Variants in CSNK1G1 observed in about 807,000 individuals in gnomAD.
CSNK1G1 encodes casein kinase I isoform gamma-1.
CSNK1G1 carries 22 observed loss-of-function variants against 59.6 expected under a neutral mutation model. The observed-to-expected ratio is 0.37, with a 90% confidence interval of 0.26 to 0.53. CSNK1G1 has a LOEUF of 0.53. CSNK1G1 is among the 20% of genes least tolerant of loss of function. CSNK1G1 has a pLI of 0.89. For synonymous variants in CSNK1G1, 179 were observed against 177.1 expected, an observed-to-expected ratio of 1.01 and a Z score of -0.08; for missense variants, 384 against 519.5, an observed-to-expected ratio of 0.74 and a Z score of 2.54.
At chr15:64,237,368 A>G (rs1442470473) in intron 4 of CSNK1G1, among the ~76,000 whole-genome samples, 1 of 152,212 alleles carries the variant, frequency 6.6e-6, no homozygotes, top group African/African-American at 2.4e-5. Context: ...ATACATGGCA[A>G]GAAAAGATCC....
intron 1 of CSNK1G1, among the ~76,000 whole-genome samples, chr15:64,339,617 T>C (rs1566953594): frequency 6.6e-6 from 1 of 152,194 alleles, no homozygotes; most frequent in Non-Finnish European, 1.5e-5. Flanking sequence ...CAATCTGTGT[T>C]TTAACAAACC....
intron 4 of CSNK1G1, 88 bp downstream of exon 4, chr15:64,251,424 A>T: frequency 1.1e-6 from 1 of 885,180 alleles, no homozygotes; most frequent in Non-Finnish European, 1.8e-6. Context: ...TTTGGTAAAA[A>T]GGGCAAACCA....
At chr15:64,271,046 G>C (rs1417509690) in intron 2 of CSNK1G1, among the ~76,000 whole-genome samples, 1 of 152,004 alleles carries the variant, frequency 6.6e-6, no homozygotes, top group African/African-American at 2.4e-5. Context: ...GTAGCAGCAC[G>C]ATCTCAGCTC....
At chr15:64,347,647 T>C (rs1225052980) in intron 1 of CSNK1G1, among the ~76,000 whole-genome samples, 1 of 143,450 alleles carries the variant, frequency 7.0e-6, no homozygotes, top group Non-Finnish European at 1.5e-5. Context: ...AAGGAAAATG[T>C]ACAGAAAAGA....
chr15:64,195,996 G>A (rs2082033398), intron 10 of CSNK1G1, among the ~76,000 whole-genome samples: 2 of 152,212 alleles, frequency 1.3e-5, no homozygotes, highest in Admixed American at 6.5e-5. Context: ...TTGGGAGGCT[G>A]AGGCAGAAGG....
At chr15:64,270,014 C>T (rs887757067) in intron 2 of CSNK1G1, among the ~76,000 whole-genome samples, 1 of 152,146 alleles carries the variant, frequency 6.6e-6, no homozygotes, top group Non-Finnish European at 1.5e-5. Flanking sequence ...GCCATACTGG[C>T]CAGGCTGGTC....
intron 1 of CSNK1G1, among the ~76,000 whole-genome samples, chr15:64,350,525 AG>A (rs1373115414): frequency 6.6e-6 from 1 of 152,152 alleles, no homozygotes; most frequent in African/African-American, 2.4e-5. Flanking sequence ...TGGTTTATCA[AG>A]TGAACAGTGA....
chr15:64,295,302 C>T (rs1183282299), intron 2 of CSNK1G1, among the ~76,000 whole-genome samples: 2 of 152,102 alleles, frequency 1.3e-5, no homozygotes, highest in African/African-American at 4.8e-5. Context: ...GAGGTCATCA[C>T]CAAGGTCTGA....
chr15:64,276,303 G>T (rs1893613580), intron 2 of CSNK1G1, among the ~76,000 whole-genome samples: 1 of 152,172 alleles, frequency 6.6e-6, no homozygotes, highest in Non-Finnish European at 1.5e-5. Flanking sequence ...ATTTTCTGCA[G>T]CAGAGAAATA....
chr15:64,339,510 G>A (rs531849515), intron 1 of CSNK1G1, among the ~76,000 whole-genome samples: 44 of 151,916 alleles, frequency 2.9e-4, no homozygotes, highest in Non-Finnish European at 4.4e-4. Flanking sequence ...ACAGGGATTC[G>A]CCATGTTGGC....
At chr15:64,313,371 C>T (rs561498203) in intron 1 of CSNK1G1, among the ~76,000 whole-genome samples, 1 of 152,160 alleles carries the variant, frequency 6.6e-6, no homozygotes, top group Non-Finnish European at 1.5e-5. Flanking sequence ...CAATGATAGA[C>T]TGCATAAAGA....
At position 64,300,463 on chromosome 15, in the gene CSNK1G1, G is replaced by A. The variant is rs549442973; in HGVS notation, c.37C>T (p.Arg13Trp). The A allele has an allele frequency of 1.2e-5, 20 of 1,614,142 alleles. No individual in the cohort carries two copies. The highest frequency in any genetic ancestry group is 2.7e-5 in the African/African-American group (2 of 75,052). Residue 13 changes from arginine (R) to tryptophan (W), a missense_variant, in exon 2 of 12, where the codon CGG (arginine) becomes TGG (tryptophan). Coordinates refer to ENST00000303052, the MANE Select transcript of CSNK1G1 (RefSeq NM_022048.5). ...HPSREKDERQRTTKPMAQRSA... is the reference protein window; with the variant it reads ...HPSREKDERQWTTKPMAQRSA... ...CTTTGTGCCATGGGTTTAGTTGTCC[G>A]TTGTCTTTCATCCTTTTCCCTACTA...
chr15:64,224,013 C>G (rs541661416), intron 4 of CSNK1G1, among the ~76,000 whole-genome samples: 2 of 152,176 alleles, frequency 1.3e-5, no homozygotes, highest in Non-Finnish European at 2.9e-5. Flanking sequence ...AAATGCACAT[C>G]AGGTTGAGAA....
intron 1 of CSNK1G1, among the ~76,000 whole-genome samples, chr15:64,318,929 T>C (rs1431374085): frequency 1.3e-5 from 2 of 152,056 alleles, no homozygotes; most frequent in African/African-American, 2.4e-5. Flanking sequence ...CTTGGCTCAC[T>C]GCAACCTCTA....
intron 4 of CSNK1G1, among the ~76,000 whole-genome samples, chr15:64,221,819 C>G (rs2082392063): frequency 6.6e-6 from 1 of 152,054 alleles, no homozygotes. Context: ...CACTTTTACA[C>G]TGTTGGTAGG....
At chr15:64,307,363 C>T (rs1375889515) in intron 1 of CSNK1G1, among the ~76,000 whole-genome samples, 4 of 151,992 alleles carry the variant, frequency 2.6e-5, no homozygotes, top group Non-Finnish European at 5.9e-5. Context: ...CTAAAAAAAG[C>T]AACAAGAAAC....
At chr15:64,311,003 CA>C (rs138869466) in intron 1 of CSNK1G1, among the ~76,000 whole-genome samples, 113,789 of 125,510 alleles carry the variant, frequency 0.91, 51,352 homozygotes, top group East Asian at 0.98. Context: ...GACTCCATCT[CA>C]AAAAAAAAAA....
At chr15:64,203,053 G>A in intron 10 of CSNK1G1, 29 bp downstream of exon 10, 3 of 1,508,818 alleles carry the variant, frequency 2.0e-6, no homozygotes, top group South Asian at 2.3e-5. Context: ...GAAGGGTAGT[G>A]TCTGAAAGAA....
chr15:64,272,895 G>C (rs1180363440), intron 2 of CSNK1G1, among the ~76,000 whole-genome samples: 3 of 151,850 alleles, frequency 2.0e-5, no homozygotes, highest in Non-Finnish European at 4.4e-5. Flanking sequence ...GTAGAGACAG[G>C]GTTTTGCCAT....
Sources: gnomAD v4.1 joint callset for allele counts (sites outside exome capture counted in the v4.1 genomes callset) on GRCh38, gnomAD v4.1.1 for gene constraint, MANE v1.5 for transcripts, NCBI Gene and HGNC (gene_info 2026-07-23, HGNC 2026-07-21) for gene names.